The following UBE4B variants were observed in gnomAD, a reference collection of about 807,000 sequenced individuals.
UBE4B encodes the protein ubiquitination factor E4B.
A neutral mutation model predicts 148.1 loss-of-function variants in UBE4B; 27 were observed. That is an observed-to-expected ratio of 0.18 (90% CI 0.13 to 0.25). UBE4B has a LOEUF of 0.25. Among genes scored for constraint, UBE4B ranks in the 10% least tolerant of loss-of-function variants. The pLI is 1.00. For synonymous variants in UBE4B, 596 were observed against 619.3 expected (o/e 0.96, Z 0.56); for missense variants, 1,170 against 1,662.4 (o/e 0.70, Z 5.15).
intron 21 of UBE4B, among the ~76,000 whole-genome samples, chr1:10,155,159 C>T (rs182834239): frequency 5.5e-4 from 84 of 151,664 alleles, no homozygotes; most frequent in Admixed American, 1.3e-3. Flanking sequence ...GCCTATAAGA[C>T]GAGTGCTGGG....
Position 10,161,343 on chromosome 1 carries a change from G to C in UBE4B, c.3198+57G>C. On this transcript the variant is annotated intron_variant, in intron 23 of 27. Transcript: ENST00000343090. The surrounding 1 kb of genome is among the most constrained non-coding windows in gnomAD (Gnocchi z 4.1). ...TTGCAGGCCATCTGCCTCCACACAC[G>C]GGCAGAGCTGCTTTGGGGCTGCATT... 1.3e-6 allele frequency: 2 copies of C among 1,580,364 alleles called. No individual in the cohort carries two copies. Among genetic ancestry groups the C allele is most frequent in the Non-Finnish European group, 1.7e-6 (2 of 1,158,944 alleles).
At position 10,168,336 on chromosome 1, in the gene UBE4B, CTT is replaced by C. The variant is rs1049853100; in HGVS notation, c.3333+68_3333+69del. ...CACATTCAGACTCTCTCACTTATAA[CTT>C]TAGCAGTTGTTGAAGTTCTGGAAAT... On this transcript the variant is annotated intron_variant, in intron 24 of 27. Transcript: ENST00000343090. This position sits in a 1 kb window ranked among gnomAD's most constrained non-coding sequence, Gnocchi z 4.9. 1.3e-6 allele frequency: 2 copies of C among 1,553,620 alleles called. No homozygotes were observed. The highest frequency in any genetic ancestry group is 4.1e-5 in the Admixed American group (2 of 48,828).
chr1:10,061,580 A>C (rs1383824344), intron 1 of UBE4B, among the ~76,000 whole-genome samples: 1 of 152,088 alleles, frequency 6.6e-6, no homozygotes, highest in Non-Finnish European at 1.5e-5. Flanking sequence ...GGATTGAGTG[A>C]AGGGCATTGC....
chr1:10,123,746 C>T (rs150805888), intron 10 of UBE4B, among the ~76,000 whole-genome samples: 90 of 152,216 alleles, frequency 5.9e-4, no homozygotes, highest in African/African-American at 1.7e-3. Flanking sequence ...ATTCATATAA[C>T]ATCAAACCAC....
In UBE4B at chr1:10,072,008, C is replaced by G; in HGVS notation, c.25-20C>G. ...TTCTGCTGATTAGTTATAGAATGCC[C>G]TTTTCCCCTCATGTTGTAGATTCGA... On this transcript the variant is annotated intron_variant, in intron 1 of 27. Transcript: ENST00000343090. 6.4e-7 allele frequency: 1 copy of G among 1,557,678 alleles called. No homozygotes were observed. The highest frequency in any genetic ancestry group is 8.7e-7 in the Non-Finnish European group (1 of 1,153,856).
intron 1 of UBE4B, among the ~76,000 whole-genome samples, chr1:10,041,843 C>T (rs1485274956): frequency 6.6e-6 from 1 of 151,972 alleles, no homozygotes; most frequent in East Asian, 1.9e-4. Context: ...GTTACAGGCA[C>T]ATGCCACTAC....
chr1:10,137,324 G>A, intron 17 of UBE4B, 119 bp downstream of exon 17: 2 of 1,302,678 alleles, frequency 1.5e-6, no homozygotes, highest in East Asian at 4.7e-5. Context: ...GTTATATAGT[G>A]TTCTGTCTGC....
intron 17 of UBE4B, among the ~76,000 whole-genome samples, chr1:10,140,875 A>G (rs1036489299): frequency 3.3e-5 from 5 of 152,178 alleles, no homozygotes; most frequent in Admixed American, 6.6e-5. Flanking sequence ...TTTCCTCTGA[A>G]TTAGATCAAA....
At chr1:10,079,413 G>A (rs1051248150) in intron 2 of UBE4B, among the ~76,000 whole-genome samples, 32 of 152,012 alleles carry the variant, frequency 2.1e-4, no homozygotes, top group Admixed American at 3.3e-4. Context: ...TCCTCCATTG[G>A]CCTCCCAAAG....
At chr1:10,103,613 TTTTG>T (rs1383640074) in intron 5 of UBE4B, among the ~76,000 whole-genome samples, 3 of 148,644 alleles carry the variant, frequency 2.0e-5, no homozygotes, top group South Asian at 4.2e-4. Flanking sequence ...TTGTAGTTTT[TTTTG>T]TTTGTTTTGT....
chr1:10,055,655 C>T (rs930615516), intron 1 of UBE4B, among the ~76,000 whole-genome samples: 4 of 152,148 alleles, frequency 2.6e-5, no homozygotes, highest in Non-Finnish European at 5.9e-5. Context: ...CGCAGTGGCT[C>T]ATGCCTGTAA....
chr1:10,179,991 C>T lies in UBE4B; in HGVS notation c.*35C>T. 3 of 1,612,748 alleles carry T rather than the reference C, an allele frequency of 1.9e-6. No homozygotes were observed. The East Asian group carries it at 6.7e-5, about 36-fold the overall frequency. Reference sequence around the variant, plus strand: ...CCGCCCACCCTCTGCTAGACACAGCCAAGGCCAACGAGGCAAGCAGAAGCA... The same window carrying T: ...CCGCCCACCCTCTGCTAGACACAGCTAAGGCCAACGAGGCAAGCAGAAGCA... On this transcript the variant is annotated 3_prime_UTR_variant, in exon 28 of 28. Coordinates refer to ENST00000343090, the MANE Select transcript of UBE4B (RefSeq NM_001105562.3).
chr1:10,036,033 C>T (rs935579483), intron 1 of UBE4B, among the ~76,000 whole-genome samples: 2 of 151,708 alleles, frequency 1.3e-5, no homozygotes, highest in Non-Finnish European at 2.9e-5. Flanking sequence ...TGTGAGCCAC[C>T]GCGCCCGGCC....
intron 2 of UBE4B, among the ~76,000 whole-genome samples, chr1:10,089,075 C>A (rs1644806635): frequency 6.6e-6 from 1 of 152,058 alleles, no homozygotes; most frequent in Non-Finnish European, 1.5e-5. Flanking sequence ...GGCGCGATCT[C>A]AGCTCACTGC....
intron 1 of UBE4B, among the ~76,000 whole-genome samples, chr1:10,046,837 C>A (rs540970692): frequency 6.6e-6 from 1 of 152,294 alleles, no homozygotes; most frequent in Admixed American, 6.5e-5. Flanking sequence ...ACTCTGAAAA[C>A]TTTGATTGTA....
chr1:10,065,509 G>A (rs555654189), intron 1 of UBE4B, among the ~76,000 whole-genome samples: 1 of 152,262 alleles, frequency 6.6e-6, no homozygotes, highest in East Asian at 1.9e-4. Context: ...GGGTAGTTTC[G>A]GCCCTGTGAC....
intron 1 of UBE4B, among the ~76,000 whole-genome samples, chr1:10,042,978 A>G (rs1396849009): frequency 6.6e-6 from 1 of 151,916 alleles, no homozygotes; most frequent in Admixed American, 6.6e-5. Flanking sequence ...CAAGGGGCAC[A>G]GTGGCAGGAG....
chr1:10,108,313 T>C (rs182336649), intron 7 of UBE4B, among the ~76,000 whole-genome samples: 50 of 152,036 alleles, frequency 3.3e-4, no homozygotes, highest in Non-Finnish European at 6.6e-4. Flanking sequence ...TAGCCTTAAA[T>C]TTCTCTTAGC....
Position 10,116,979 on chromosome 1 carries a change from C to T in UBE4B, c.1197-480C>T, listed in dbSNP as rs188712428. ...CCTCCTAACTGGAGAGTTTCTTAACCTTTGGTTCTATTGCCAAATGTTAGA... is the reference window on the plus strand; with the variant it reads ...CCTCCTAACTGGAGAGTTTCTTAACTTTTGGTTCTATTGCCAAATGTTAGA... On this transcript the variant is annotated intron_variant, in intron 7 of 27. Transcript: ENST00000343090. Among the ~76,000 whole-genome samples, 3 of 152,290 alleles carry T rather than the reference C, an allele frequency of 2.0e-5. No homozygotes were observed. The East Asian group carries it at 5.8e-4, about 29-fold the overall frequency.
Sources: allele counts gnomAD v4.1 joint callset (sites outside exome capture counted in the v4.1 genomes callset), GRCh38; gene constraint gnomAD v4.1.1; non-coding constraint Gnocchi (gnomAD v3.1); transcripts MANE v1.5; gene names NCBI Gene and HGNC (gene_info 2026-07-23, HGNC 2026-07-21).